The following ETS1 variants were observed in gnomAD, a reference collection of about 807,000 sequenced individuals.
ETS1 encodes ETS proto-oncogene 1, transcription factor, also known as protein C-ets-1.
A neutral mutation model predicts 58.6 loss-of-function variants in ETS1; 15 were observed. The ratio of observed to expected loss-of-function variants is 0.26; its 90% confidence interval spans 0.17 to 0.39. ETS1 has a LOEUF of 0.39. Among genes scored for constraint, ETS1 ranks in the 10% least tolerant of loss-of-function variants. The pLI is 1.00. For synonymous variants in ETS1, 214 were observed against 218.2 expected (o/e 0.98, Z 0.17); for missense variants, 417 against 610.5 (o/e 0.68, Z 3.34).
chr11:128,583,153 A>G (rs1339355741), intron 1 of ETS1, among the ~76,000 whole-genome samples: 2 of 152,186 alleles, frequency 1.3e-5, no homozygotes, highest in Non-Finnish European at 2.9e-5. Flanking sequence ...CTTCACTGTG[A>G]GTAGCAAGGC....
intron 3 of ETS1, among the ~76,000 whole-genome samples, chr11:128,502,194 G>A (rs1366033122): frequency 6.6e-6 from 1 of 152,218 alleles, no homozygotes; most frequent in Non-Finnish European, 1.5e-5. Flanking sequence ...CCCAAGTTGG[G>A]AGGAAGATGA....
intron 8 of ETS1, among the ~76,000 whole-genome samples, chr11:128,466,201 G>C (rs1862029641): frequency 2.0e-5 from 3 of 152,204 alleles, no homozygotes; most frequent in Admixed American, 2.0e-4. Context: ...TCCTCTTGTG[G>C]TAGCCATTAT....
At chr11:128,502,881 A>T (rs961402578) in intron 3 of ETS1, among the ~76,000 whole-genome samples, 4 of 152,212 alleles carry the variant, frequency 2.6e-5, no homozygotes, top group African/African-American at 7.2e-5. Flanking sequence ...CCCTGCAGGC[A>T]TCTCCTCCTG....
At chr11:128,505,549 G>T (rs2135489193) in intron 3 of ETS1, among the ~76,000 whole-genome samples, 1 of 152,160 alleles carries the variant, frequency 6.6e-6, no homozygotes, top group Non-Finnish European at 1.5e-5. Flanking sequence ...GCATTCTATT[G>T]TTCCTGCTGC....
At chr11:128,469,534 C>G (rs374811511) in intron 8 of ETS1, among the ~76,000 whole-genome samples, 1 of 152,204 alleles carries the variant, frequency 6.6e-6, no homozygotes, top group Non-Finnish European at 1.5e-5. Flanking sequence ...AAGCATCACC[C>G]CTTTCTGTCA....
intron 1 of ETS1, among the ~76,000 whole-genome samples, chr11:128,586,863 C>G (rs919117591): frequency 6.6e-6 from 1 of 152,148 alleles, no homozygotes; most frequent in Non-Finnish European, 1.5e-5. Context: ...ACCGTGGGGA[C>G]AAGAAATACC....
At chr11:128,587,345 A>T (rs1415980148) in intron 1 of ETS1, 143 bp downstream of exon 1, 1 of 152,256 alleles carries the variant, frequency 6.6e-6, no homozygotes, top group Non-Finnish European at 1.5e-5. Flanking sequence ...AAATGGGAAT[A>T]TAGAAAGACG....
intron 8 of ETS1, among the ~76,000 whole-genome samples, chr11:128,469,670 C>A (rs1171037223): frequency 2.0e-5 from 3 of 152,214 alleles, no homozygotes; most frequent in Non-Finnish European, 4.4e-5. Flanking sequence ...TGAAGCTGCA[C>A]AAAGTCTTGT....
Position 128,468,889 on chromosome 11 carries a change from G to A in ETS1, c.1124-5262C>T, listed in dbSNP as rs147886698. Among the ~76,000 whole-genome samples the A allele has an allele frequency of 1.1e-3, 175 of 152,298 alleles. 4 individuals carry two copies. In the East Asian group the frequency reaches 0.025, roughly 21 times the overall value. On this transcript the variant is annotated intron_variant, in intron 8 of 9. Coordinates refer to ENST00000392668, the MANE Select transcript of ETS1 (RefSeq NM_001143820.2). ...GTTGAATGACTGTGTCATTTGACAT[G>A]TTCTCCCTGAGAACACAGACTATAT...
At chr11:128,473,832 C>T (rs1862251585) in intron 8 of ETS1, among the ~76,000 whole-genome samples, 1 of 151,942 alleles carries the variant, frequency 6.6e-6, no homozygotes, top group Non-Finnish European at 1.5e-5. Context: ...GGGGCAAAGG[C>T]AGGGTCATCT....
chr11:128,491,275 AG>A (rs1429738808), intron 3 of ETS1, among the ~76,000 whole-genome samples: 17 of 152,250 alleles, frequency 1.1e-4, no homozygotes, highest in Non-Finnish European at 2.1e-4. Flanking sequence ...AAGAAACAAC[AG>A]TGAGCAACAC....
chr11:128,509,125 T>C (rs189433345), intron 3 of ETS1, among the ~76,000 whole-genome samples: 1 of 152,324 alleles, frequency 6.6e-6, no homozygotes, highest in Non-Finnish European at 1.5e-5. Context: ...ATTTCAAAGT[T>C]CTTTCATCAG....
chr11:128,562,275 G>T (rs1386904662), intron 2 of ETS1, among the ~76,000 whole-genome samples: 1 of 152,196 alleles, frequency 6.6e-6, no homozygotes, highest in Non-Finnish European at 1.5e-5. Context: ...CAGGCGTGGT[G>T]GTAGGCACCT....
At chr11:128,466,754 T>G (rs1862047003) in intron 8 of ETS1, among the ~76,000 whole-genome samples, 1 of 150,460 alleles carries the variant, frequency 6.6e-6, no homozygotes, top group African/African-American at 2.4e-5. Context: ...AAGTCCTAGG[T>G]GCAGAGCTCT....
chr11:128,555,083 C>T (rs1310411246), intron 3 of ETS1, among the ~76,000 whole-genome samples: 1 of 152,052 alleles, frequency 6.6e-6, no homozygotes, highest in African/African-American at 2.4e-5. Flanking sequence ...CAAAGAATAC[C>T]TCAAAGATCA....
intron 3 of ETS1, among the ~76,000 whole-genome samples, chr11:128,533,644 C>A (rs902184167): frequency 7.9e-5 from 12 of 152,170 alleles, no homozygotes; most frequent in Non-Finnish European, 1.6e-4. Context: ...CTGCCCAGCA[C>A]CTCTGTCAAG....
chr11:128,470,047 G>C (rs1188639656), intron 8 of ETS1, among the ~76,000 whole-genome samples: 1 of 152,236 alleles, frequency 6.6e-6, no homozygotes, highest in African/African-American at 2.4e-5. Flanking sequence ...TCTGACAGGT[G>C]TTTGGAAAGC....
intron 1 of ETS1, among the ~76,000 whole-genome samples, chr11:128,585,831 A>T (rs1052796423): frequency 2.6e-5 from 4 of 152,170 alleles, no homozygotes; most frequent in Non-Finnish European, 4.4e-5. Flanking sequence ...TCACTGACAT[A>T]ATCCAAGTGC....
chr11:128,503,243 G>A (rs1022199846), intron 3 of ETS1, among the ~76,000 whole-genome samples: 6 of 152,122 alleles, frequency 3.9e-5, no homozygotes, highest in African/African-American at 1.4e-4. Context: ...CCCATTGGGA[G>A]GGAACTAGTA....
Sources: allele counts gnomAD v4.1 joint callset (sites outside exome capture counted in the v4.1 genomes callset), GRCh38; gene constraint gnomAD v4.1.1; transcripts MANE v1.5; gene names NCBI Gene and HGNC (gene_info 2026-07-23, HGNC 2026-07-21).